RFT1: variants seen among roughly 807,000 people sequenced by gnomAD.
RFT1 encodes RFT1 glycolipid translocator homolog.
RFT1 carries 43 observed loss-of-function variants against 62.2 expected under a neutral mutation model. The observed-to-expected ratio is 0.69, with a 90% CI of 0.54 to 0.89. RFT1 has a LOEUF of 0.89. Ranked by LOEUF, RFT1 falls within the 40% of genes least tolerant of loss-of-function variation. RFT1 has a pLI of 0.00. For synonymous variants in RFT1, 262 were observed against 264.6 expected, an observed-to-expected ratio of 0.99 and a Z score of 0.10; for missense variants, 605 against 649.9, an observed-to-expected ratio of 0.93 and a Z score of 0.75.
chr3:53,125,760 A>C, intron 2 of RFT1, 149 bp downstream of exon 2: 1 of 646,044 alleles, frequency 1.5e-6, no homozygotes, highest in Non-Finnish European at 2.8e-6. Context: ...CCACTCCTGC[A>C]CGCTTCTCCT....
chr3:53,094,618 A>G (rs1386634830), intron 11 of RFT1, among the ~76,000 whole-genome samples: 1 of 152,100 alleles, frequency 6.6e-6, no homozygotes, highest in Non-Finnish European at 1.5e-5. Context: ...TCTTTTCCAC[A>G]AAGCAGCAGA....
chr3:53,078,156 C>A, the RFT1 span: 5 of 152,242 alleles, frequency 3.3e-5, no homozygotes, highest in African/African-American at 1.2e-4. Flanking sequence ...TCTTGGAGGA[C>A]TCTGTGTCAG....
At position 53,089,916 on chromosome 3, in the gene RFT1, ACAAGGCTG is replaced by A. The variant is rs1305342792; in HGVS notation, c.*1979_*1986del. Reference sequence around the variant, plus strand: ...TCCTGCTCCCAGAGACCCCGGAGTCACAAGGCTGCTTGTAGAGCAGCAGCTCTGTTCCT... The same window carrying A: ...TCCTGCTCCCAGAGACCCCGGAGTCACTTGTAGAGCAGCAGCTCTGTTCCT... On this transcript the variant is annotated 3_prime_UTR_variant, in exon 13 of 13. Transcript: ENST00000296292. The A allele has an allele frequency of 6.5e-6, 1 of 152,750 alleles. No homozygotes were observed. Among genetic ancestry groups the A allele is most frequent in the African/African-American group, 2.4e-5 (1 of 41,464 alleles). 9.5% of individuals were successfully genotyped at this position (152,750 alleles called of 1,614,324 possible). A position where few individuals can be genotyped will look rare whatever the true frequency, so the allele number is the denominator to read the frequency against.
At chr3:53,095,485 G>A (rs969414864) in intron 11 of RFT1, among the ~76,000 whole-genome samples, 2 of 152,260 alleles carry the variant, frequency 1.3e-5, no homozygotes, top group Admixed American at 6.5e-5. Context: ...GCTAAGGCAG[G>A]CAGATCGCTT....
At chr3:53,125,667 C>T (rs1221106197) in intron 2 of RFT1, among the ~76,000 whole-genome samples, 1 of 152,248 alleles carries the variant, frequency 6.6e-6, no homozygotes, top group Non-Finnish European at 1.5e-5. Flanking sequence ...ACCAGAACAG[C>T]TGGCAAAGAA....
At chr3:53,080,135 T>C in the RFT1 span, among the ~76,000 whole-genome samples, 3 of 152,348 alleles carry the variant, frequency 2.0e-5, no homozygotes, top group Non-Finnish European at 4.4e-5. Flanking sequence ...CCATTTTCTT[T>C]CTGTCTTAAT....
chr3:53,106,510 C>A (rs1327275066), intron 8 of RFT1, among the ~76,000 whole-genome samples: 1 of 152,152 alleles, frequency 6.6e-6, no homozygotes, highest in Non-Finnish European at 1.5e-5. Flanking sequence ...TCTAGCCACA[C>A]AAACATGGGG....
downstream of RFT1, among the ~76,000 whole-genome samples, chr3:53,086,346 C>T (rs1471275560): frequency 5.9e-5 from 9 of 152,140 alleles, no homozygotes; most frequent in South Asian, 2.1e-4. Context: ...AACAGAGTCT[C>T]GCTCTGTCAC....
chr3:53,125,023 T>C (rs1034757355), intron 2 of RFT1, among the ~76,000 whole-genome samples: 1 of 152,092 alleles, frequency 6.6e-6, no homozygotes, highest in East Asian at 1.9e-4. Context: ...AGAAAACATA[T>C]TTCTCAAAGA....
At chr3:53,101,361 C>T (rs1701308171) in intron 10 of RFT1, among the ~76,000 whole-genome samples, 1 of 152,178 alleles carries the variant, frequency 6.6e-6, no homozygotes, top group African/African-American at 2.4e-5. Context: ...CCCCAACCTC[C>T]TCTCCCTGGC....
chr3:53,106,039 C>T (rs1701462211), intron 8 of RFT1, among the ~76,000 whole-genome samples: 1 of 151,934 alleles, frequency 6.6e-6, no homozygotes, highest in Non-Finnish European at 1.5e-5. Flanking sequence ...TTGAGATGAG[C>T]CTGGGAAACA....
chr3:53,091,526 T>C lies in RFT1; in HGVS notation c.*377A>G, dbSNP rs952468407. ...GTGAAGGGTAAAATCACTGCATCTC[T>C]TTTTCTGGGCCAGATAATTATTAAC... On this transcript the variant is annotated 3_prime_UTR_variant, in exon 13 of 13. Transcript: ENST00000296292. 1 of 266,384 alleles carries C rather than the reference T, an allele frequency of 3.8e-6. No individual in the cohort carries two copies. Among genetic ancestry groups the C allele is most frequent in the Admixed American group, 4.8e-5 (1 of 20,894 alleles). 16.5% of individuals were successfully genotyped at this position (266,384 alleles called of 1,614,324 possible). A position where few individuals can be genotyped will look rare whatever the true frequency, so the allele number is the denominator to read the frequency against.
rs544581431 is a variant in RFT1, at chr3:53,105,362, C to A, written c.957+311G>T. 1.3e-3 allele frequency among the ~76,000 whole-genome samples: 191 copies of A among 151,544 alleles called. 1 individual carries two copies. Among genetic ancestry groups the A allele is most frequent in the South Asian group, 4.6e-3 (22 of 4,808 alleles). On this transcript the variant is annotated intron_variant, in intron 9 of 12. Transcript: ENST00000296292. ...CTGGGAGGTGGAGGTTGCAGTGAGCCGAGGTCATGCCACTGCACTCCAGGC... is the reference window on the plus strand; with the variant it reads ...CTGGGAGGTGGAGGTTGCAGTGAGCAGAGGTCATGCCACTGCACTCCAGGC...
In RFT1 at chr3:53,108,740, G is replaced by A. The variant is rs1381425354; in HGVS notation, c.776-1871C>T. Reference sequence around the variant, plus strand: ...TTTGAGACAGAGTTTCGCTCTTGTCGCCCAAGCTGGAGTGCAATGGTGCTA... The same window carrying A: ...TTTGAGACAGAGTTTCGCTCTTGTCACCCAAGCTGGAGTGCAATGGTGCTA... On this transcript the variant is annotated intron_variant, in intron 7 of 12. Transcript: ENST00000296292. Among the ~76,000 whole-genome samples, 18 of 147,376 alleles carry A rather than the reference G, an allele frequency of 1.2e-4. No individual in the cohort carries two copies. In the East Asian group the frequency reaches 2.2e-3, roughly 18 times the overall value.
At chr3:53,120,626 G>T (rs1472719785) in intron 5 of RFT1, among the ~76,000 whole-genome samples, 1 of 152,192 alleles carries the variant, frequency 6.6e-6, no homozygotes, top group Non-Finnish European at 1.5e-5. Flanking sequence ...GGAGCAGCCA[G>T]ATGGGTTTTG....
At chr3:53,087,816 T>C (rs376966398), downstream of RFT1, among the ~76,000 whole-genome samples, 26 of 152,238 alleles carry the variant, frequency 1.7e-4, no homozygotes, top group African/African-American at 6.3e-4. Context: ...CCACAACGCC[T>C]GGCCCGGCAA....
Position 53,108,825 on chromosome 3 carries a change from C to T in RFT1, c.776-1956G>A, listed in dbSNP as rs139034094. ...CTGGGATAACAGGCGCCTGCCACCA[C>T]GCCCAGCTAATTTTTGTATTTTTAG... On this transcript the variant is annotated intron_variant, in intron 7 of 12. Coordinates refer to ENST00000296292, the MANE Select transcript of RFT1 (RefSeq NM_052859.4). Among the ~76,000 whole-genome samples the T allele has an allele frequency of 7.8e-3, 1,190 of 152,088 alleles. 7 individuals are homozygous for T. The highest frequency in any genetic ancestry group is 0.041 in the Middle Eastern group (12 of 294).
intron 6 of RFT1, among the ~76,000 whole-genome samples, chr3:53,114,159 G>A (rs1701729873): frequency 6.6e-6 from 1 of 152,128 alleles, no homozygotes; most frequent in Admixed American, 6.5e-5. Flanking sequence ...ACCACAGCCG[G>A]CTTCAGCACC....
In RFT1 at chr3:53,106,980, T is replaced by C. The variant is rs1050603236; in HGVS notation, c.776-111A>G. 6 of 774,548 alleles carry C rather than the reference T, an allele frequency of 7.7e-6. No individual in the cohort carries two copies. In the Admixed American group the frequency reaches 8.0e-5, roughly 10 times the overall value. The allele number at this position is 774,548 out of a possible 1,614,324, so 48.0% of individuals were successfully genotyped here. On this transcript the variant is annotated intron_variant, in intron 7 of 12. Transcript: ENST00000296292. ...CAGCTGACAAATAAAGGAGAAATAC[T>C]AGGTAATCAGTTAAAGACATGTCCT...
Sources: gnomAD v4.1 joint callset for allele counts (sites outside exome capture counted in the v4.1 genomes callset) on GRCh38, gnomAD v4.1.1 for gene constraint, MANE v1.5 for transcripts, NCBI Gene and HGNC (gene_info 2026-07-23, HGNC 2026-07-21) for gene names.